ANKRD26: variants seen among roughly 807,000 people sequenced by gnomAD.
The protein encoded by ANKRD26 is ankyrin repeat domain-containing protein 26.
ANKRD26 carries 141 observed loss-of-function variants against 208.7 expected under a neutral mutation model. The ratio of observed to expected loss-of-function variants is 0.68; its 90% CI spans 0.59 to 0.78. ANKRD26 has a LOEUF of 0.78. Ranked by LOEUF, ANKRD26 falls within the 30% of genes least tolerant of loss-of-function variation. The probability of loss-of-function intolerance (pLI) is 0.00; values close to 1 mark genes in which losing one functional copy is unlikely to be tolerated. For synonymous variants in ANKRD26, 636 were observed against 660.4 expected (o/e 0.96, Z 0.57); for missense variants, 1,889 against 1,938.7 (o/e 0.97, Z 0.48).
chr10:27,051,969 T>C (rs190672696), intron 16 of ANKRD26: 1 of 985,392 alleles, frequency 1.0e-6, no homozygotes, highest in African/African-American at 1.7e-5. Context: ...CATTTCTTCA[T>C]CATTTTGCAC....
rs371442083 is a variant in ANKRD26, at chr10:27,029,382, A to G, written c.3808-26T>C. 6.9e-6 allele frequency: 11 copies of G among 1,599,782 alleles called. No homozygotes were observed. In the African/African-American group the frequency reaches 1.3e-4, roughly 19 times the overall value. Reference sequence around the variant, plus strand: ...CTAAAACAAAGAATAAAAAAAACCCACTTTACTAATAATCTAGTACACATC... The same window carrying G: ...CTAAAACAAAGAATAAAAAAAACCCGCTTTACTAATAATCTAGTACACATC... On this transcript the variant is annotated intron_variant, in intron 25 of 33. Transcript: ENST00000376087.
chr10:26,965,391 A>C, the ANKRD26 span, among the ~76,000 whole-genome samples: 12 of 152,234 alleles, frequency 7.9e-5, no homozygotes, highest in Admixed American at 3.3e-4. Context: ...AAAGGATTCC[A>C]TATTTAATAA....
chr10:27,061,633 C>T (rs561663132), intron 12 of ANKRD26, among the ~76,000 whole-genome samples: 10 of 146,450 alleles, frequency 6.8e-5, no homozygotes, highest in African/African-American at 2.5e-4. Context: ...AATCATGGCT[C>T]ATTGCTCCCT....
chr10:26,988,404 G>A (rs2052425199), downstream of ANKRD26, among the ~76,000 whole-genome samples: 1 of 152,160 alleles, frequency 6.6e-6, no homozygotes, highest in African/African-American at 2.4e-5. Context: ...ATATTCCTGA[G>A]AGGAAGAGAG....
intron 5 of ANKRD26, among the ~76,000 whole-genome samples, chr10:26,976,563 T>C (rs751747602): frequency 7.2e-5 from 11 of 152,214 alleles, no homozygotes; most frequent in Non-Finnish European, 1.3e-4. Context: ...ATAGGAATAA[T>C]GTCTTCCTCT....
chr10:27,022,599 G>T lies in ANKRD26; in HGVS notation c.4174C>A (p.Gln1392Lys). The change falls in exon 29 of 34, where the codon CAA becomes AAA. Residue 1392 changes from glutamine (Q) to lysine (K), a missense_variant. Around this residue, in one of 3 missense-constraint regions of ANKRD26, gnomAD observed 613 missense variants for 648.2 expected, o/e 0.95. Transcript: ENST00000376087. ...TTAATCTGAATATCCATTTCAAATT[G>T]ACTAGTTTTTAAATCTCCATGGAAA... is the stretch of plus-strand genomic sequence containing the variant. ...FSFHGDLKTSQFEMDIQINKL... is the reference protein window; with the variant it reads ...FSFHGDLKTSKFEMDIQINKL... 6.5e-7 allele frequency: 1 copy of T among 1,549,132 alleles called. No homozygotes were observed. The highest frequency in any genetic ancestry group is 1.1e-5 in the South Asian group (1 of 89,212).
At chr10:27,056,615 TA>T (rs1388078096) in intron 15 of ANKRD26, among the ~76,000 whole-genome samples, 1 of 151,814 alleles carries the variant, frequency 6.6e-6, no homozygotes, top group East Asian at 2.0e-4. Flanking sequence ...CTGTCTCTAC[TA>T]AAAATACAAA....
rs570746870 is a variant in ANKRD26 at position 27,068,926 on chromosome 10, G to A, written c.1078-1640C>T. ...AAACGAGGTCGGGCGCAGCGCGGTG[G>A]CTCACACCTGTAATCCCAGCACTTT... is the stretch of plus-strand genomic sequence containing the variant. On this transcript the variant is annotated intron_variant, in intron 9 of 33. Coordinates refer to ENST00000376087, the MANE Select transcript of ANKRD26 (RefSeq NM_014915.3). Among the ~76,000 whole-genome samples the A allele has an allele frequency of 1.1e-4, 17 of 152,052 alleles. No homozygotes were observed. In the South Asian group the frequency reaches 3.5e-3, roughly 32 times the overall value.
At chr10:27,062,211 T>C in intron 12 of ANKRD26, 1 of 978,968 alleles carries the variant, frequency 1.0e-6, no homozygotes, top group Non-Finnish European at 1.2e-6. Context: ...CATTTAACAA[T>C]AGTTATCTTA....
chr10:27,026,997 G>C (rs535141782), intron 27 of ANKRD26, among the ~76,000 whole-genome samples: 29 of 152,220 alleles, frequency 1.9e-4, no homozygotes, highest in African/African-American at 4.8e-4. Context: ...TGTTGGCCAG[G>C]CTGGTCTCAA....
At chr10:27,046,829 T>C (rs892466689) in intron 17 of ANKRD26, among the ~76,000 whole-genome samples, 1 of 152,016 alleles carries the variant, frequency 6.6e-6, no homozygotes, top group East Asian at 1.9e-4. Context: ...GGTTGATATA[T>C]GAAAAGATAT....
intron 5 of ANKRD26, among the ~76,000 whole-genome samples, chr10:26,992,909 G>A (rs989609188): frequency 6.6e-5 from 10 of 152,090 alleles, no homozygotes; most frequent in African/African-American, 2.2e-4. Context: ...ATGATGGCAC[G>A]GGTTCCGCTT....
Position 27,063,280 on chromosome 10 carries a change from C to A in ANKRD26, c.1363+708G>T, listed in dbSNP as rs1018085652. Among the ~76,000 whole-genome samples, 20 of 151,884 alleles carry A rather than the reference C, an allele frequency of 1.3e-4. No homozygotes were observed. In the East Asian group the frequency reaches 1.5e-3, roughly 12 times the overall value. On this transcript the variant is annotated intron_variant, in intron 12 of 33. Transcript: ENST00000376087. ...TTAAACTCTTCCTACCTTTCTAATACCCTGCTTTTCCATTTTCTAAAGAAT... is the reference window on the plus strand; with the variant it reads ...TTAAACTCTTCCTACCTTTCTAATAACCTGCTTTTCCATTTTCTAAAGAAT...
intron 3 of ANKRD26, among the ~76,000 whole-genome samples, chr10:26,983,779 T>C (rs1234003407): frequency 1.3e-5 from 2 of 152,212 alleles, no homozygotes; most frequent in Admixed American, 6.5e-5. Context: ...GCTTTTCCCA[T>C]GTGCCTTTCT....
the ANKRD26 span, among the ~76,000 whole-genome samples, chr10:26,958,507 CT>C: frequency 1.3e-5 from 2 of 152,116 alleles, no homozygotes; most frequent in Non-Finnish European, 2.9e-5. Flanking sequence ...TGTGTTCCCC[CT>C]GGCATGTCCA....
chr10:27,092,779 C>T (rs1459726516), intron 3 of ANKRD26, among the ~76,000 whole-genome samples: 1 of 152,002 alleles, frequency 6.6e-6, no homozygotes, highest in East Asian at 1.9e-4. Context: ...GTATTGTTTC[C>T]CATCAAAACC....
rs767685491 is a variant in ANKRD26, at chr10:27,067,138, G to A, written c.1207+19C>T. 6.2e-7 allele frequency: 1 copy of A among 1,610,408 alleles called. No homozygotes were observed. The highest frequency in any genetic ancestry group is 8.5e-7 in the Non-Finnish European group (1 of 1,178,008). The stretch of plus-strand genomic sequence containing the variant: ...GAACTTAAGGATAGAAAAATATTCA[G>A]AGATATCCACTAACTTACCACTTCT... On this transcript the variant is annotated intron_variant, in intron 10 of 33. Transcript: ENST00000376087.
chr10:27,067,293 A>G lies in ANKRD26; in HGVS notation c.1078-7T>C. 1.9e-6 allele frequency: 3 copies of G among 1,611,738 alleles called. No homozygotes were observed. The highest frequency in any genetic ancestry group is 2.7e-5 in the African/African-American group (2 of 74,950). ...CTGGCTTTGTTGGTTCTTCCTATTA[A>G]AAACAAAAACAAACAAACAAAAAAC... On this transcript the variant is annotated splice_polypyrimidine_tract_variant and splice_region_variant and intron_variant, in intron 9 of 33. Transcript: ENST00000376087.
intron 20 of ANKRD26, among the ~76,000 whole-genome samples, chr10:27,043,085 T>C (rs895638907): frequency 2.0e-5 from 3 of 148,722 alleles, no homozygotes; most frequent in Non-Finnish European, 4.4e-5. Flanking sequence ...ATTAAACAGA[T>C]AAATTGGACT....
Sources: gnomAD v4.1 joint callset for allele counts (sites outside exome capture counted in the v4.1 genomes callset) on GRCh38, gnomAD v4.1.1 for gene constraint, gnomAD v4.1.1 regional missense constraint, MANE v1.5 for transcripts, NCBI Gene and HGNC (gene_info 2026-07-23, HGNC 2026-07-21) for gene names.